Variants in PRKRIP1 observed in about 807,000 individuals in gnomAD.
PRKRIP1 encodes PRKR-interacting protein 1.
In PRKRIP1, 29 loss-of-function variants were observed where a neutral mutation model predicts 29.3. That is an observed-to-expected ratio of 0.99 (90% CI 0.74 to 1.35). The LOEUF (loss-of-function observed/expected upper bound fraction) is 1.35. PRKRIP1 is among the 40% of genes most tolerant of loss of function. The pLI is 0.00. For synonymous variants in PRKRIP1, 90 were observed against 85.1 expected (o/e 1.06, Z -0.32); for missense variants, 247 against 236.8 (o/e 1.04, Z -0.28).
chr7:102,401,301 C>G (rs1796063983), intron 3 of PRKRIP1, among the ~76,000 whole-genome samples: 1 of 152,148 alleles, frequency 6.6e-6, no homozygotes, highest in Admixed American at 6.6e-5. Context: ...GATATATCTG[C>G]TGTATAATTC....
At chr7:102,417,187 A>T (rs919046239) in intron 5 of PRKRIP1, among the ~76,000 whole-genome samples, 1 of 150,916 alleles carries the variant, frequency 6.6e-6, no homozygotes, top group Non-Finnish European at 1.5e-5. Context: ...ATGGGGTCTC[A>T]TTATGTTGCC....
intron 4 of PRKRIP1, among the ~76,000 whole-genome samples, chr7:102,406,179 T>G (rs765713262): frequency 6.6e-6 from 1 of 152,182 alleles, no homozygotes; most frequent in Non-Finnish European, 1.5e-5. Flanking sequence ...TCTCATCGAT[T>G]TGCTGCACAT....
At position 102,425,019 on chromosome 7, in the gene PRKRIP1, G is replaced by C. The variant is rs563458955; in HGVS notation, c.463G>C (p.Gly155Arg). 5 of 1,612,154 alleles carry C rather than the reference G, an allele frequency of 3.1e-6. No homozygotes were observed. The highest frequency in any genetic ancestry group is 1.7e-5 in the Admixed American group (1 of 59,348). ...KLEQKKQEGP[G>R]QPKEQGSSSS... The stretch of plus-strand genomic sequence containing the variant: ...TGAATGTCGTGTGGTTACAGGACCC[G>C]GTCAGCCCAAGGAGCAGGGGTCCAG... Residue 155 changes from glycine (G) to arginine (R), a missense_variant, in exon 6 of 6, where the codon GGT becomes CGT. Coordinates refer to ENST00000397912, the MANE Select transcript of PRKRIP1 (RefSeq NM_024653.4).
chr7:102,423,526 A>G (rs1281708913), intron 5 of PRKRIP1: 1 of 217,468 alleles, frequency 4.6e-6, no homozygotes, highest in Non-Finnish European at 9.6e-6. Context: ...AAGTTCCTCC[A>G]CCTCTCTGGG....
At position 102,425,336 on chromosome 7, in the gene PRKRIP1, C is replaced by A; in HGVS notation, c.*225C>A. 1.2e-6 allele frequency: 1 copy of A among 811,284 alleles called. No homozygotes were observed. The highest frequency in any genetic ancestry group is 1.9e-6 in the Non-Finnish European group (1 of 528,660). 50.3% of individuals were successfully genotyped at this position (811,284 alleles called of 1,614,324 possible). A position where few individuals can be genotyped will look rare whatever the true frequency, so the allele number is the denominator to read the frequency against. ...CACTGCCTTGCAGACACCATCCGTG[C>A]TCCTGGTAAAGGGGGACAGAGAGCC... On this transcript the variant is annotated 3_prime_UTR_variant, in exon 6 of 6. Coordinates refer to ENST00000397912, the MANE Select transcript of PRKRIP1 (RefSeq NM_024653.4).
intron 5 of PRKRIP1, among the ~76,000 whole-genome samples, chr7:102,419,971 C>G (rs908387348): frequency 6.6e-6 from 1 of 151,802 alleles, no homozygotes; most frequent in Admixed American, 6.6e-5. Context: ...ACCTCCGCCC[C>G]CTGGGTTCAC....
chr7:102,418,223 T>C (rs1554573358), intron 5 of PRKRIP1, among the ~76,000 whole-genome samples: 1 of 151,920 alleles, frequency 6.6e-6, no homozygotes, highest in East Asian at 1.9e-4. Context: ...CTAATTTTTG[T>C]ATTTTTAGTA....
intron 5 of PRKRIP1, among the ~76,000 whole-genome samples, chr7:102,420,117 C>T (rs1009575759): frequency 1.6e-4 from 25 of 152,130 alleles, no homozygotes; most frequent in African/African-American, 6.0e-4. Flanking sequence ...AACTCGTGAC[C>T]TCAAGTGATC....
At chr7:102,412,237 A>T (rs6465859) in intron 5 of PRKRIP1, among the ~76,000 whole-genome samples, 138,811 of 152,236 alleles carry the variant, frequency 0.91, 63,407 homozygotes, top group East Asian at 1. Flanking sequence ...TGGGAAGAAT[A>T]GAGTGTTCTA....
rs782673975 is a variant in PRKRIP1, at chr7:102,407,428, T to C, written c.393-6T>C. ...GGAATCAATGTATATGGTTTTACAT[T>C]TTTAGCCAGAAGTTAAAAGAGAAGA... On this transcript the variant is annotated splice_polypyrimidine_tract_variant and splice_region_variant and intron_variant, in intron 4 of 5. Coordinates refer to ENST00000397912, the MANE Select transcript of PRKRIP1 (RefSeq NM_024653.4). 6.3e-7 allele frequency: 1 copy of C among 1,592,142 alleles called. No homozygotes were observed. The highest frequency in any genetic ancestry group is 8.6e-7 in the Non-Finnish European group (1 of 1,160,094).
At chr7:102,419,487 C>G (rs2133201450) in intron 5 of PRKRIP1, among the ~76,000 whole-genome samples, 1 of 152,244 alleles carries the variant, frequency 6.6e-6, no homozygotes, top group Non-Finnish European at 1.5e-5. Flanking sequence ...ACGCATAGTA[C>G]CATGTATCCA....
intron 5 of PRKRIP1, among the ~76,000 whole-genome samples, chr7:102,421,393 A>G (rs1796688215): frequency 6.6e-6 from 1 of 151,856 alleles, no homozygotes; most frequent in Non-Finnish European, 1.5e-5. Context: ...AAAAATACAA[A>G]AATTAGCCAG....
At chr7:102,398,034 G>T (rs193095981) in intron 2 of PRKRIP1, among the ~76,000 whole-genome samples, 36 of 151,652 alleles carry the variant, frequency 2.4e-4, no homozygotes, top group African/African-American at 8.5e-4. Context: ...GCAACAGAGC[G>T]ACATTCTGTC....
rs1375368028 is a variant in PRKRIP1, at chr7:102,425,184, C to T, written c.*73C>T. On this transcript the variant is annotated 3_prime_UTR_variant, in exon 6 of 6. Coordinates refer to ENST00000397912, the MANE Select transcript of PRKRIP1 (RefSeq NM_024653.4). ...AGAAGGGAAAGGCGGCTGTTTGGCTCTTTCTCCCCCGCAAGGACCCGCTGA... is the reference window on the plus strand; with the variant it reads ...AGAAGGGAAAGGCGGCTGTTTGGCTTTTTCTCCCCCGCAAGGACCCGCTGA... 4 of 1,545,794 alleles carry T rather than the reference C, an allele frequency of 2.6e-6. No individual in the cohort carries two copies. Among genetic ancestry groups the T allele is most frequent in the Non-Finnish European group, 8.7e-7 (1 of 1,150,950 alleles).
intron 5 of PRKRIP1, among the ~76,000 whole-genome samples, chr7:102,419,909 GTC>G (rs1165980629): frequency 2.7e-5 from 4 of 149,932 alleles, no homozygotes; most frequent in Admixed American, 1.3e-4. Context: ...TTGAGATGGA[GTC>G]TCTCTGTCGC....
In PRKRIP1 at chr7:102,425,021, T is replaced by C. The variant is rs782757106; in HGVS notation, c.465T>C (p.Gly155=). The stretch of plus-strand genomic sequence containing the variant: ...AATGTCGTGTGGTTACAGGACCCGG[T>C]CAGCCCAAGGAGCAGGGGTCCAGCA... ...KLEQKKQEGP[G]QPKEQGSSSS... The change falls in exon 6 of 6, where the codon GGT becomes GGC. Residue 155 remains glycine, a synonymous_variant. Transcript: ENST00000397912. 7.4e-6 allele frequency: 12 copies of C among 1,612,500 alleles called. No homozygotes were observed. In the Admixed American group the frequency reaches 1.9e-4, roughly 25 times the overall value.
intron 4 of PRKRIP1, among the ~76,000 whole-genome samples, chr7:102,406,122 C>A (rs1289155812): frequency 6.6e-6 from 1 of 152,108 alleles, no homozygotes; most frequent in Non-Finnish European, 1.5e-5. Flanking sequence ...GAATTGGGCC[C>A]CTTCTGTTGA....
intron 3 of PRKRIP1, 44 bp from the exon 4 acceptor site, chr7:102,404,554 T>G: frequency 6.5e-7 from 1 of 1,539,696 alleles, no homozygotes; most frequent in Non-Finnish European, 8.9e-7. Context: ...TCCCACAGTC[T>G]GCCCAGACCA....
At chr7:102,421,106 G>A (rs1273897029) in intron 5 of PRKRIP1, among the ~76,000 whole-genome samples, 1 of 152,188 alleles carries the variant, frequency 6.6e-6, no homozygotes, top group African/African-American at 2.4e-5. Context: ...CAGATCCCCT[G>A]TGGGTAACAG....
Sources: gnomAD v4.1 joint callset for allele counts (sites outside exome capture counted in the v4.1 genomes callset) on GRCh38, gnomAD v4.1.1 for gene constraint, MANE v1.5 for transcripts, NCBI Gene and HGNC (gene_info 2026-07-23, HGNC 2026-07-21) for gene names.